Variants in ADAM19 observed in about 807,000 individuals in gnomAD.
ADAM19 encodes ADAM metallopeptidase domain 19, also known as disintegrin and metalloproteinase domain-containing protein 19.
A neutral mutation model predicts 114.7 loss-of-function variants in ADAM19; 65 were observed. The ratio of observed to expected loss-of-function variants is 0.57; its 90% CI spans 0.46 to 0.70. The LOEUF is 0.70. ADAM19 is among the 30% of genes least tolerant of loss of function. The probability of loss-of-function intolerance (pLI) is 0.00; values close to 1 mark genes in which losing one functional copy is unlikely to be tolerated. For missense variants in ADAM19, 1,063 were observed against 1,204.7 expected (o/e 0.88, Z 1.74); for synonymous variants, 466 against 460.5 (o/e 1.01, Z -0.15).
chr5:157,477,618 C>T lies in ADAM19; in HGVS notation c.*3331G>A. 1 of 1,281,426 alleles carries T rather than the reference C, an allele frequency of 7.8e-7. No individual in the cohort carries two copies. Among genetic ancestry groups the T allele is most frequent in the South Asian group, 1.2e-5 (1 of 80,486 alleles). The allele number at this position is 1,281,426 out of a possible 1,614,324, so 79.4% of individuals were successfully genotyped here. A position where few individuals can be genotyped will look rare whatever the true frequency, so the allele number is the denominator to read the frequency against. Reference sequence around the variant, plus strand: ...GCTCCCCTGGGGAAGGGGACCTTTCCAGTTGGCGTTCCCATGGCTTTCTTG... The same window carrying T: ...GCTCCCCTGGGGAAGGGGACCTTTCTAGTTGGCGTTCCCATGGCTTTCTTG... On this transcript the variant is annotated 3_prime_UTR_variant, in exon 23 of 23. Transcript: ENST00000257527.
At chr5:157,502,682 G>T in intron 12 of ADAM19, 121 bp downstream of exon 12, 1 of 1,077,484 alleles carries the variant, frequency 9.3e-7, no homozygotes, top group Non-Finnish European at 1.4e-6. Flanking sequence ...ATGGGGTATT[G>T]GACAGTTATA....
At chr5:157,500,371 A>G (rs1755522324) in intron 12 of ADAM19, among the ~76,000 whole-genome samples, 1 of 152,214 alleles carries the variant, frequency 6.6e-6, no homozygotes, top group Non-Finnish European at 1.5e-5. Flanking sequence ...ATATATTTAT[A>G]CTTACTTTAC....
intron 1 of ADAM19, 34 bp downstream of exon 1, chr5:157,575,569 C>T (rs754281048): frequency 1.7e-4 from 243 of 1,433,208 alleles, no homozygotes; most frequent in Non-Finnish European, 2.0e-4. Flanking sequence ...CTCCGGGCCA[C>T]CCAGCCTCCA....
chr5:157,493,053 C>T lies in ADAM19; in HGVS notation c.1828G>A (p.Val610Ile), dbSNP rs759459737. 20 of 1,614,226 alleles carry T rather than the reference C, an allele frequency of 1.2e-5. No individual in the cohort carries two copies. The highest frequency in any genetic ancestry group is 8.8e-5 in the South Asian group (8 of 91,084). The change falls in exon 16 of 23, where the codon GTC becomes ATC. Residue 610 changes from valine to isoleucine, a missense_variant. By Grantham distance (29) the Val-to-Ile change is conservative. Transcript: ENST00000257527. ...GRQIQCRGTH[V>I]YRGPEEEGDM... The stretch of plus-strand genomic sequence containing the variant: ...CCCTCCTCCTCAGGACCTCGGTAGA[C>T]GTGGGTGCCCCGGCACTGGATCTGC...
chr5:157,513,589 G>T, intron 7 of ADAM19, 84 bp from the exon 8 acceptor site: 1 of 1,287,620 alleles, frequency 7.8e-7, no homozygotes, highest in Non-Finnish European at 1.1e-6. Flanking sequence ...CTTTGAATTT[G>T]CTCTTATTTT....
intron 21 of ADAM19, 134 bp from the exon 22 acceptor site, chr5:157,482,077 T>G (rs917385532): frequency 2.8e-6 from 2 of 713,902 alleles, no homozygotes; most frequent in South Asian, 4.3e-5. Flanking sequence ...AGAAACTGTA[T>G]GTATAATGTG....
At position 157,480,670 on chromosome 5, in the gene ADAM19, A is replaced by C. The variant is rs11466814; in HGVS notation, c.*279T>G. The C allele has an allele frequency of 0.031, 38,165 of 1,239,260 alleles. 674 individuals are homozygous for C. The highest frequency in any genetic ancestry group is 0.035 in the Non-Finnish European group (34,953 of 985,046). The allele number at this position is 1,239,260 out of a possible 1,614,324, so 76.8% of individuals were successfully genotyped here. A position where few individuals can be genotyped will look rare whatever the true frequency, so the allele number is the denominator to read the frequency against. ...CCTCGGGGCTAGGAGTCTGGAGGAG[A>C]AGCTGCCAGTCACCCTCCTCATACT... is the stretch of plus-strand genomic sequence containing the variant. On this transcript the variant is annotated 3_prime_UTR_variant, in exon 23 of 23. Coordinates refer to ENST00000257527, the MANE Select transcript of ADAM19 (RefSeq NM_033274.5).
chr5:157,554,225 C>A (rs979047595), intron 3 of ADAM19, among the ~76,000 whole-genome samples: 1 of 152,222 alleles, frequency 6.6e-6, no homozygotes, highest in Admixed American at 6.5e-5. Context: ...TGACTTCTTC[C>A]AAGTCCACAG....
rs1010695477 is a variant in ADAM19, at chr5:157,545,564, G to A, written c.252-7573C>T. ...TCCAAAAAGATTGTTTAGGAGAAGC[G>A]AGGGTTAGTGTGTAAGTTACAGAGT... On this transcript the variant is annotated intron_variant, in intron 3 of 22. Transcript: ENST00000257527. 3.3e-5 allele frequency among the ~76,000 whole-genome samples: 5 copies of A among 152,036 alleles called. 1 individual carries two copies. Among genetic ancestry groups the A allele is most frequent in the Non-Finnish European group, 5.9e-5 (4 of 68,008 alleles).
At chr5:157,560,352 T>A (rs192126925) in intron 3 of ADAM19, among the ~76,000 whole-genome samples, 7 of 148,736 alleles carry the variant, frequency 4.7e-5, no homozygotes, top group Non-Finnish European at 1.0e-4. Flanking sequence ...ATTTTACAGA[T>A]GAGAAAGCAG....
intron 5 of ADAM19, among the ~76,000 whole-genome samples, chr5:157,529,651 A>G (rs1287970979): frequency 6.6e-6 from 1 of 152,248 alleles, no homozygotes; most frequent in Non-Finnish European, 1.5e-5. Context: ...GCAAAGTCCT[A>G]GGAGTTCACT....
intron 8 of ADAM19, among the ~76,000 whole-genome samples, chr5:157,513,111 T>C (rs1755972161): frequency 6.6e-6 from 1 of 152,176 alleles, no homozygotes; most frequent in Non-Finnish European, 1.5e-5. Context: ...TTATAGTAGA[T>C]ATTGGCATAA....
In ADAM19 at chr5:157,481,778, C is replaced by T. The variant is rs1229972128; in HGVS notation, c.2703+13G>A. 1.1e-5 allele frequency: 17 copies of T among 1,564,406 alleles called. No individual in the cohort carries two copies. The highest frequency in any genetic ancestry group is 6.1e-6 in the Non-Finnish European group (7 of 1,153,138). Reference sequence around the variant, plus strand: ...GTACCAGCTTTCACCTTGAGGGCTTCCCGTGGACTCACCTTTGGGGCAAGT... The same window carrying T: ...GTACCAGCTTTCACCTTGAGGGCTTTCCGTGGACTCACCTTTGGGGCAAGT... On this transcript the variant is annotated intron_variant, in intron 22 of 22. Coordinates refer to ENST00000257527, the MANE Select transcript of ADAM19 (RefSeq NM_033274.5).
chr5:157,481,987 T>C, intron 21 of ADAM19, 44 bp from the exon 22 acceptor site: 1 of 1,461,344 alleles, frequency 6.8e-7, no homozygotes, highest in East Asian at 2.3e-5. Context: ...CAGAGGCCTG[T>C]TTGAAAGAAA....
In ADAM19 at chr5:157,570,877, A is replaced by T. The variant is rs1308646606; in HGVS notation, c.180+18T>A. 1.9e-6 allele frequency: 3 copies of T among 1,609,254 alleles called. No individual in the cohort carries two copies. The South Asian group carries it at 3.3e-5, about 18-fold the overall frequency. On this transcript the variant is annotated intron_variant, in intron 2 of 22. Coordinates refer to ENST00000257527, the MANE Select transcript of ADAM19 (RefSeq NM_033274.5). ...TTGTCAACTCCTGCCAGTGTAAATG[A>T]GGTCTTTTGAGTCTTACCTTTTCTC... is the stretch of plus-strand genomic sequence containing the variant.
At chr5:157,573,347 CTTT>C (rs1373867258) in intron 1 of ADAM19, among the ~76,000 whole-genome samples, 1 of 152,136 alleles carries the variant, frequency 6.6e-6, no homozygotes, top group Non-Finnish European at 1.5e-5. Context: ...GTACCATTGA[CTTT>C]TTATTTACCA....
chr5:157,492,964 G>C lies in ADAM19; in HGVS notation c.1908+9C>G. On this transcript the variant is annotated intron_variant, in intron 16 of 22. Transcript: ENST00000257527. The stretch of plus-strand genomic sequence containing the variant: ...GCTGGCTCCTAGGTGAGCAGGGGAG[G>C]GGACTCACATGGTTGTAGCCACACT... 6.2e-7 allele frequency: 1 copy of C among 1,614,036 alleles called. No homozygotes were observed. The highest frequency in any genetic ancestry group is 8.5e-7 in the Non-Finnish European group (1 of 1,179,910).
At chr5:157,495,818 G>T (rs1458223163) in intron 14 of ADAM19, among the ~76,000 whole-genome samples, 1 of 151,570 alleles carries the variant, frequency 6.6e-6, no homozygotes, top group Non-Finnish European at 1.5e-5. Flanking sequence ...ATTTTTAGCA[G>T]TTACAGGGTT....
rs1323316735 is a variant in ADAM19 at position 157,480,035 on chromosome 5, G to A, written c.*914C>T. 4 of 985,990 alleles carry A rather than the reference G, an allele frequency of 4.1e-6. No individual in the cohort carries two copies. Among genetic ancestry groups the A allele is most frequent in the African/African-American group, 3.5e-5 (2 of 57,362 alleles). 61.1% of individuals were successfully genotyped at this position (985,990 alleles called of 1,614,324 possible). ...TGAGGGAAATCCAGTGGCCGACTGT[G>A]AGAGAGGACTCTGACTTGTAGGTCA... On this transcript the variant is annotated 3_prime_UTR_variant, in exon 23 of 23. Coordinates refer to ENST00000257527, the MANE Select transcript of ADAM19 (RefSeq NM_033274.5).
Sources: allele counts gnomAD v4.1 joint callset (sites outside exome capture counted in the v4.1 genomes callset), GRCh38; gene constraint gnomAD v4.1.1; transcripts MANE v1.5; gene names NCBI Gene and HGNC (gene_info 2026-07-23, HGNC 2026-07-21).